The following TLL1 variants were observed in gnomAD, a reference collection of about 807,000 sequenced individuals.
TLL1 encodes the protein tolloid like 1, also known as tolloid-like protein 1.
In TLL1, 49 loss-of-function variants were observed where a neutral mutation model predicts 128.2. That is an observed-to-expected ratio of 0.38 (90% CI 0.30 to 0.48). The LOEUF (loss-of-function observed/expected upper bound fraction) is 0.48. TLL1 is among the 20% of genes least tolerant of loss of function. TLL1 has a pLI of 0.96. For missense variants in TLL1, 1,123 were observed against 1,242.0 expected (o/e 0.90, Z 1.44); for synonymous variants, 454 against 418.8 (o/e 1.08, Z -1.03).
chr4:165,965,830 G>T (rs1735340739), intron 1 of TLL1, among the ~76,000 whole-genome samples: 1 of 152,112 alleles, frequency 6.6e-6, no homozygotes, highest in Non-Finnish European at 1.5e-5. Flanking sequence ...TGAAATTCTA[G>T]AGCACATCAT....
At chr4:166,022,285 C>T (rs116408347) in intron 8 of TLL1, among the ~76,000 whole-genome samples, 2,518 of 152,126 alleles carry the variant, frequency 0.017, 77 homozygotes, top group African/African-American at 0.056. Flanking sequence ...GCCTCAGCCT[C>T]CCAAGAAGCT....
chr4:165,928,834 A>T (rs1243651976), intron 1 of TLL1, among the ~76,000 whole-genome samples: 1 of 152,174 alleles, frequency 6.6e-6, no homozygotes, highest in East Asian at 1.9e-4. Flanking sequence ...CTCATTGTTT[A>T]TACTGGGACT....
chr4:165,949,010 C>G (rs28430732), intron 1 of TLL1, among the ~76,000 whole-genome samples: 5,225 of 152,060 alleles, frequency 0.034, 297 homozygotes, highest in African/African-American at 0.12. Flanking sequence ...GATGTAATCA[C>G]CTGATATTAA....
At chr4:165,974,722 CTTATA>C (rs1735794538) in intron 1 of TLL1, among the ~76,000 whole-genome samples, 1 of 152,130 alleles carries the variant, frequency 6.6e-6, no homozygotes, top group South Asian at 2.1e-4. Context: ...AATAATTATA[CTTATA>C]TTATATCCCA....
intron 2 of TLL1, among the ~76,000 whole-genome samples, chr4:165,990,779 G>C (rs577811929): frequency 6.6e-6 from 1 of 152,126 alleles, no homozygotes; most frequent in African/African-American, 2.4e-5. Flanking sequence ...GAGTATGTAA[G>C]AGAAAGCCTA....
chr4:166,020,783 CAT>C (rs1738189454), intron 8 of TLL1, among the ~76,000 whole-genome samples: 1 of 152,042 alleles, frequency 6.6e-6, no homozygotes, highest in Non-Finnish European at 1.5e-5. Context: ...TGTCAAGTAA[CAT>C]AGTGAAATTT....
At chr4:166,065,236 A>G (rs928578757) in intron 15 of TLL1, among the ~76,000 whole-genome samples, 1 of 152,102 alleles carries the variant, frequency 6.6e-6, no homozygotes, top group Non-Finnish European at 1.5e-5. Context: ...AAATTAAGAA[A>G]TATCAGTCCT....
intron 1 of TLL1, among the ~76,000 whole-genome samples, chr4:165,910,752 A>T (rs1156620349): frequency 6.6e-6 from 1 of 152,202 alleles, no homozygotes; most frequent in East Asian, 1.9e-4. Flanking sequence ...TACGCCCATC[A>T]CTTGAATTAG....
chr4:166,060,959 C>A lies in TLL1; in HGVS notation c.2007+771C>A, dbSNP rs550060537. Among the ~76,000 whole-genome samples, 22 of 152,226 alleles carry A rather than the reference C, an allele frequency of 1.4e-4. No individual in the cohort carries two copies. The South Asian group carries it at 4.6e-3, about 32-fold the overall frequency. ...TACGTTCTCTTCTTTTTCTAACTTC[C>A]TTTGCATCCTTTTCTCCCAACAACG... On this transcript the variant is annotated intron_variant, in intron 15 of 20. Coordinates refer to ENST00000061240, the MANE Select transcript of TLL1 (RefSeq NM_012464.5).
intron 9 of TLL1, among the ~76,000 whole-genome samples, chr4:166,028,953 C>A (rs983212575): frequency 4.0e-5 from 6 of 151,610 alleles, no homozygotes; most frequent in African/African-American, 1.5e-4. Context: ...TATTTTAATT[C>A]TATTTATTGT....
At chr4:165,922,046 T>C (rs1033167422) in intron 1 of TLL1, among the ~76,000 whole-genome samples, 2 of 151,986 alleles carry the variant, frequency 1.3e-5, no homozygotes, top group African/African-American at 4.8e-5. Flanking sequence ...GAAAACTGAT[T>C]TTACCAGGAT....
rs1739186596 is a variant in TLL1 at position 166,040,268 on chromosome 4, C to A, written c.1261+827C>A. Among the ~76,000 whole-genome samples, 5 of 152,150 alleles carry A rather than the reference C, an allele frequency of 3.3e-5. No individual in the cohort carries two copies. The South Asian group carries it at 1.0e-3, about 32-fold the overall frequency. ...GGCACAATTGTATTAAAAGTGACAG[C>A]AGCCATAGTAAATCCAAGAGATCTG... On this transcript the variant is annotated intron_variant, in intron 10 of 20. Coordinates refer to ENST00000061240, the MANE Select transcript of TLL1 (RefSeq NM_012464.5).
intron 9 of TLL1, chr4:166,030,720 C>A (rs982490898): frequency 1.7e-6 from 2 of 1,178,780 alleles, no homozygotes; most frequent in Non-Finnish European, 2.1e-6. Context: ...TCTTCAACAC[C>A]ATTTGTTAAA....
At chr4:165,968,613 CT>C (rs1165161680) in intron 1 of TLL1, among the ~76,000 whole-genome samples, 2 of 152,074 alleles carry the variant, frequency 1.3e-5, no homozygotes, top group Non-Finnish European at 2.9e-5. Context: ...GAAGTATTGA[CT>C]TTTTCCCAGA....
chr4:166,050,926 C>T (rs997269742), intron 12 of TLL1, among the ~76,000 whole-genome samples: 1 of 152,066 alleles, frequency 6.6e-6, no homozygotes, highest in Non-Finnish European at 1.5e-5. Context: ...TGTACATGTT[C>T]TTCCTTCTTT....
intron 1 of TLL1, among the ~76,000 whole-genome samples, chr4:165,904,889 A>G (rs1732179737): frequency 6.6e-6 from 1 of 152,232 alleles, no homozygotes; most frequent in South Asian, 2.1e-4. Flanking sequence ...GAGAAATTGG[A>G]CGGAAAATAA....
intron 8 of TLL1, among the ~76,000 whole-genome samples, chr4:166,018,718 A>G (rs951468531): frequency 4.6e-5 from 7 of 152,142 alleles, no homozygotes; most frequent in African/African-American, 1.7e-4. Context: ...CATCATTGCT[A>G]AACATCAGAG....
intron 19 of TLL1, among the ~76,000 whole-genome samples, chr4:166,095,716 CTT>C (rs1741986894): frequency 6.6e-6 from 1 of 152,118 alleles, no homozygotes; most frequent in African/African-American, 2.4e-5. Flanking sequence ...ACAAACCTGT[CTT>C]TCCAAATTAA....
chr4:165,912,504 T>C (rs536469919), intron 1 of TLL1, among the ~76,000 whole-genome samples: 1 of 152,344 alleles, frequency 6.6e-6, no homozygotes, highest in East Asian at 1.9e-4. Context: ...AGAAATTTCT[T>C]AAAATTAAAG....
Sources: allele counts gnomAD v4.1 joint callset (sites outside exome capture counted in the v4.1 genomes callset), GRCh38; gene constraint gnomAD v4.1.1; transcripts MANE v1.5; gene names NCBI Gene and HGNC (gene_info 2026-07-23, HGNC 2026-07-21).